Variants in CDH4 observed in about 807,000 individuals in gnomAD.
The protein encoded by CDH4 is cadherin 4.
Under a neutral mutation model 86.0 loss-of-function variants are expected in CDH4, and 33 were observed. That is an observed-to-expected ratio of 0.38 (90% CI 0.29 to 0.51). The LOEUF (loss-of-function observed/expected upper bound fraction) is 0.51. Among genes scored for constraint, CDH4 ranks in the 20% least tolerant of loss-of-function variants. CDH4 has a pLI of 0.86. For missense variants in CDH4, 1,114 were observed against 1,307.4 expected (o/e 0.85, Z 2.28); for synonymous variants, 555 against 549.4 (o/e 1.01, Z -0.14).
chr20:61,546,871 T>TG (rs2086091129), intron 2 of CDH4, among the ~76,000 whole-genome samples: 1 of 152,116 alleles, frequency 6.6e-6, no homozygotes, highest in African/African-American at 2.4e-5. Flanking sequence ...ACTGATTGGC[T>TG]GGGGGGCTGC....
chr20:61,641,228 G>A (rs2087005358), intron 2 of CDH4, among the ~76,000 whole-genome samples: 1 of 152,134 alleles, frequency 6.6e-6, no homozygotes, highest in Non-Finnish European at 1.5e-5. Flanking sequence ...CCAGTGATTT[G>A]GGGGAGTTTT....
At chr20:61,653,940 A>G (rs1308223744) in intron 2 of CDH4, among the ~76,000 whole-genome samples, 1 of 146,148 alleles carries the variant, frequency 6.8e-6, no homozygotes, top group Admixed American at 6.8e-5. Flanking sequence ...CACTTTCCAG[A>G]CTGGGCAGCC....
intron 6 of CDH4, among the ~76,000 whole-genome samples, chr20:61,853,166 C>G (rs1982818405): frequency 6.6e-6 from 1 of 152,132 alleles, no homozygotes; most frequent in Non-Finnish European, 1.5e-5. Flanking sequence ...ACTGGGAGTC[C>G]TGGGGACAGC....
intron 2 of CDH4, among the ~76,000 whole-genome samples, chr20:61,630,348 G>T (rs1030222263): frequency 1.3e-5 from 2 of 152,338 alleles, no homozygotes; most frequent in East Asian, 3.9e-4. Flanking sequence ...ACCAGCCACT[G>T]GGGCCCCAGG....
intron 2 of CDH4, among the ~76,000 whole-genome samples, chr20:61,616,922 G>A (rs141293425): frequency 6.6e-6 from 1 of 152,032 alleles, no homozygotes; most frequent in Non-Finnish European, 1.5e-5. Flanking sequence ...GTGGGTCCAT[G>A]GGGGGCTGCT....
At chr20:61,696,856 G>C (rs1432741773) in intron 2 of CDH4, among the ~76,000 whole-genome samples, 1 of 152,214 alleles carries the variant, frequency 6.6e-6, no homozygotes, top group Non-Finnish European at 1.5e-5. Context: ...GATCATCCTG[G>C]GTGATCTAGG....
chr20:61,884,128 T>C (rs1173313651), intron 7 of CDH4, among the ~76,000 whole-genome samples: 3 of 152,042 alleles, frequency 2.0e-5, no homozygotes. Flanking sequence ...CAAACCTGGC[T>C]GTAGAGTGAG....
At chr20:61,893,066 T>TG (rs1003703745) in intron 7 of CDH4, among the ~76,000 whole-genome samples, 1 of 117,276 alleles carries the variant, frequency 8.5e-6, no homozygotes, top group Non-Finnish European at 1.8e-5. Flanking sequence ...GAGAGATAGA[T>TG]GGATGGGTGA....
At position 61,516,077 on chromosome 20, in the gene CDH4, C is replaced by A. The variant is rs1301608065; in HGVS notation, c.170-227486C>A. On this transcript the variant is annotated intron_variant, in intron 2 of 15. Transcript: ENST00000614565. This position sits in a 1 kb window ranked among gnomAD's most constrained non-coding sequence, Gnocchi z 4.0. ...TTCCACCGCAGGCAGGCAGCTCCCT[C>A]ACCACAGGGGCTCGCCTCGTGCTCT... Among the ~76,000 whole-genome samples, 2 of 152,326 alleles carry A rather than the reference C, an allele frequency of 1.3e-5. No homozygotes were observed. The highest frequency in any genetic ancestry group is 2.1e-4 in the South Asian group (1 of 4,828).
chr20:61,740,660 C>G (rs139194158), intron 2 of CDH4: 3 of 152,296 alleles, frequency 2.0e-5, no homozygotes, highest in Non-Finnish European at 2.9e-5. Flanking sequence ...GTAACCGTAT[C>G]GTGACCTTTG....
At chr20:61,861,563 G>T (rs909449023) in intron 6 of CDH4, among the ~76,000 whole-genome samples, 1 of 83,740 alleles carries the variant, frequency 1.2e-5, no homozygotes, top group Non-Finnish European at 3.2e-5. Flanking sequence ...GCCTTTGGCT[G>T]AAAGTCACAG....
chr20:61,793,530 T>C (rs6142866), intron 4 of CDH4, among the ~76,000 whole-genome samples: 37,433 of 151,892 alleles, frequency 0.25, 4,669 homozygotes, highest in East Asian at 0.32. Context: ...TGGACAGTCA[T>C]TTTCAGGATC....
chr20:61,490,556 G>T (rs2085620434), intron 2 of CDH4, among the ~76,000 whole-genome samples: 1 of 152,094 alleles, frequency 6.6e-6, no homozygotes, highest in South Asian at 2.1e-4. Context: ...AAAATTAGCT[G>T]GGCATAGTGG....
intron 2 of CDH4, among the ~76,000 whole-genome samples, chr20:61,596,074 C>T: frequency 6.6e-6 from 1 of 152,310 alleles, no homozygotes; most frequent in East Asian, 1.9e-4. Context: ...AGTGCCGGGA[C>T]CAACTGTCCT....
chr20:61,690,782 G>T (rs1050488196), intron 2 of CDH4, among the ~76,000 whole-genome samples: 1 of 152,128 alleles, frequency 6.6e-6, no homozygotes, highest in African/African-American at 2.4e-5. Context: ...GGGGAGTTTG[G>T]TGATGGCATA....
At chr20:61,487,050 A>G (rs1600707653) in intron 2 of CDH4, among the ~76,000 whole-genome samples, 1 of 152,238 alleles carries the variant, frequency 6.6e-6, no homozygotes, top group African/African-American at 2.4e-5. Flanking sequence ...CTCCTATGTT[A>G]TCTTCCAGGA....
intron 2 of CDH4, among the ~76,000 whole-genome samples, chr20:61,325,220 T>TG (rs757801751): frequency 1.1e-5 from 1 of 91,342 alleles, no homozygotes; most frequent in Admixed American, 1.1e-4. Context: ...AAGTGGTCAC[T>TG]GGAAAAAAAA....
rs115212889 is a variant in CDH4 at position 61,586,135 on chromosome 20, T to C, written c.170-157428T>C. 7.5e-3 allele frequency among the ~76,000 whole-genome samples: 1,136 copies of C among 151,978 alleles called. 18 individuals carry two copies. Among genetic ancestry groups the C allele is most frequent in the African/African-American group, 0.027 (1,100 of 41,426 alleles). ...ATTGTGGTGATAGGGAGGATGATGG[T>C]CATGACGGTGATTGTGGTGATGGGG... On this transcript the variant is annotated intron_variant, in intron 2 of 15. Transcript: ENST00000614565.
At chr20:61,780,573 T>C (rs1331862295) in intron 4 of CDH4, among the ~76,000 whole-genome samples, 1 of 152,340 alleles carries the variant, frequency 6.6e-6, no homozygotes. Flanking sequence ...AGGAAGATTG[T>C]TACGTTAGGG....
Sources: gnomAD v4.1 joint callset for allele counts (sites outside exome capture counted in the v4.1 genomes callset) on GRCh38, gnomAD v4.1.1 for gene constraint, Gnocchi (gnomAD v3.1) non-coding constraint, MANE v1.5 for transcripts, NCBI Gene and HGNC (gene_info 2026-07-23, HGNC 2026-07-21) for gene names.